DOT1L: variants seen among roughly 807,000 people sequenced by gnomAD.
DOT1L encodes histone-lysine N-methyltransferase, H3 lysine-79 specific.
A neutral mutation model predicts 153.3 loss-of-function variants in DOT1L; 33 were observed. The ratio of observed to expected loss-of-function variants is 0.22; its 90% CI spans 0.16 to 0.29. DOT1L has a LOEUF of 0.29. Among genes scored for constraint, DOT1L ranks in the 10% least tolerant of loss-of-function variants. DOT1L has a pLI of 1.00. For synonymous variants in DOT1L, 1,135 were observed against 965.1 expected, an observed-to-expected ratio of 1.18 and a Z score of -3.26; for missense variants, 1,847 against 2,119.9, an observed-to-expected ratio of 0.87 and a Z score of 2.53.
chr19:2,189,618 G>A (rs2022700584), intron 3 of DOT1L, 114 bp from the exon 4 acceptor site: 1 of 1,168,644 alleles, frequency 8.6e-7, no homozygotes, highest in South Asian at 1.3e-5. Context: ...GCTGGCTGGT[G>A]GCTGTCCAGG....
intron 2 of DOT1L, among the ~76,000 whole-genome samples, chr19:2,184,725 T>C (rs2022411185): frequency 6.6e-6 from 1 of 152,230 alleles, no homozygotes; most frequent in Admixed American, 6.5e-5. Context: ...AATGCCGTCC[T>C]GTGGGCTTTC....
Position 2,184,546 on chromosome 19 carries a change from G to T in DOT1L, c.126-1309G>T, listed in dbSNP as rs148899847. 1.9e-3 allele frequency among the ~76,000 whole-genome samples: 288 copies of T among 152,216 alleles called. 17 individuals carry two copies. In the East Asian group the frequency reaches 0.048, roughly 26 times the overall value. On this transcript the variant is annotated intron_variant, in intron 2 of 27. Transcript: ENST00000398665. ...TCAAGAGGACTGGGGAGCAGAGGCC[G>T]AACCCCCATCCCTCCCTGACCCCTC...
chr19:2,226,854 GC>G lies in DOT1L; in HGVS notation c.4337del (p.Pro1446ArgfsTer72). 2 of 1,577,700 alleles carry G rather than the reference GC, an allele frequency of 1.3e-6. No individual in the cohort carries two copies. The highest frequency in any genetic ancestry group is 8.5e-7 in the Non-Finnish European group (1 of 1,170,568). On this transcript the variant is annotated frameshift_variant, in exon 27 of 28. Transcript: ENST00000398665. LOFTEE classifies it high-confidence loss of function. ...PGSLLSGPGL[A>X]PAASSAGGAA... Reference sequence around the variant, plus strand: ...AAGCCTCCTCAGCGGCCCCGGCCTGGCCCCGGCGGCGTCCTCCGCAGGCGGC... The same window carrying G: ...AAGCCTCCTCAGCGGCCCCGGCCTGGCCCGGCGGCGTCCTCCGCAGGCGGC...
intron 22 of DOT1L, among the ~76,000 whole-genome samples, chr19:2,218,439 G>A (rs1261669537): frequency 2.0e-5 from 3 of 152,128 alleles, no homozygotes; most frequent in Admixed American, 1.3e-4. Context: ...TGTCGCCCAG[G>A]CTGGAGTGCA....
intron 2 of DOT1L, among the ~76,000 whole-genome samples, chr19:2,183,529 A>G (rs1022110626): frequency 1.3e-5 from 2 of 152,060 alleles, no homozygotes; most frequent in African/African-American, 2.4e-5. Flanking sequence ...TTCTCCAGAA[A>G]AGCTAGCTGG....
chr19:2,179,609 A>G (rs1157523980), intron 1 of DOT1L, among the ~76,000 whole-genome samples: 1 of 152,132 alleles, frequency 6.6e-6, no homozygotes, highest in Non-Finnish European at 1.5e-5. Context: ...GGATTTCGAG[A>G]CCAGCCTGAT....
chr19:2,182,317 TG>T (rs1257001620), intron 2 of DOT1L, among the ~76,000 whole-genome samples: 1 of 151,950 alleles, frequency 6.6e-6, no homozygotes, highest in Non-Finnish European at 1.5e-5. Flanking sequence ...CTGGGAGGGT[TG>T]ATCACTTGAA....
chr19:2,184,644 G>A (rs113548155), intron 2 of DOT1L, among the ~76,000 whole-genome samples: 179 of 152,220 alleles, frequency 1.2e-3, no homozygotes, highest in African/African-American at 4.1e-3. Context: ...GACTGGTCCC[G>A]TGCCCTTTCC....
chr19:2,172,869 G>GT (rs1301462994), intron 1 of DOT1L, among the ~76,000 whole-genome samples: 2 of 151,406 alleles, frequency 1.3e-5, no homozygotes. Flanking sequence ...AAGTTCACCT[G>GT]TTTTAGGCTG....
chr19:2,201,674 G>A (rs1346299655), intron 8 of DOT1L, among the ~76,000 whole-genome samples: 1 of 152,220 alleles, frequency 6.6e-6, no homozygotes, highest in Non-Finnish European at 1.5e-5. Flanking sequence ...GGAGCGCAGG[G>A]GGACCCGCAG....
chr19:2,230,685 A>G lies in DOT1L; in HGVS notation c.*893A>G, dbSNP rs1323824498. On this transcript the variant is annotated 3_prime_UTR_variant, in exon 28 of 28. Coordinates refer to ENST00000398665, the MANE Select transcript of DOT1L (RefSeq NM_032482.3). ...TGTGATGAGAATTTATAAATTTCAT[A>G]GATTTGACAGCTTTTATTTTTAGAT... 3 of 398,014 alleles carry G rather than the reference A, an allele frequency of 7.5e-6. No individual in the cohort carries two copies. Among genetic ancestry groups the G allele is most frequent in the Non-Finnish European group, 1.3e-5 (3 of 226,068 alleles). 24.7% of individuals were successfully genotyped at this position (398,014 alleles called of 1,614,324 possible).
At chr19:2,165,344 C>T (rs1201685844) in intron 1 of DOT1L, among the ~76,000 whole-genome samples, 1 of 152,142 alleles carries the variant, frequency 6.6e-6, no homozygotes, top group Non-Finnish European at 1.5e-5. Context: ...GGTCAGGACG[C>T]GGAGAGCGCT....
rs1568328678 is a variant in DOT1L at position 2,175,006 on chromosome 19, T to TA, written c.82-5707_82-5706insA. Among the ~76,000 whole-genome samples, 36 of 92,274 alleles carry TA rather than the reference T, an allele frequency of 3.9e-4. No homozygotes were observed. The East Asian group carries it at 6.5e-3, about 17-fold the overall frequency. 60.5% of individuals were successfully genotyped at this position (92,274 alleles called of 152,430 possible). A position where few individuals can be genotyped will look rare whatever the true frequency, so the allele number is the denominator to read the frequency against. On this transcript the variant is annotated intron_variant, in intron 1 of 27. Transcript: ENST00000398665. ...TGTGTGTGTGTGTGTATATATATAT[T>TA]TTTTTTTTTTTAGATGGAGTCTTGC... is the stretch of plus-strand genomic sequence containing the variant.
chr19:2,209,261 G>T (rs542497592), intron 12 of DOT1L, among the ~76,000 whole-genome samples: 5 of 150,596 alleles, frequency 3.3e-5, no homozygotes, highest in African/African-American at 1.2e-4. Context: ...CTCCCTCTCC[G>T]TTTCTCTCTC....
At chr19:2,187,798 T>C (rs2144726939) in intron 3 of DOT1L, among the ~76,000 whole-genome samples, 1 of 152,072 alleles carries the variant, frequency 6.6e-6, no homozygotes, top group South Asian at 2.1e-4. Flanking sequence ...GGCGGGTGCC[T>C]GTAGTCCCAG....
chr19:2,219,833 C>A (rs1383128107), intron 22 of DOT1L, among the ~76,000 whole-genome samples: 1 of 152,186 alleles, frequency 6.6e-6, no homozygotes, highest in Non-Finnish European at 1.5e-5. Flanking sequence ...GCCCAGTACC[C>A]CCTCCCCACA....
At chr19:2,194,910 C>G (rs1223451954) in intron 7 of DOT1L, among the ~76,000 whole-genome samples, 7 of 152,170 alleles carry the variant, frequency 4.6e-5, no homozygotes, top group Non-Finnish European at 1.0e-4. Flanking sequence ...CTGCGGCATC[C>G]TTGGGGTGTC....
At chr19:2,180,794 C>T (rs1186482479) in intron 2 of DOT1L, 38 bp downstream of exon 2, 3 of 1,612,166 alleles carry the variant, frequency 1.9e-6, no homozygotes, top group Non-Finnish European at 2.5e-6. Context: ...CTTCACAGCC[C>T]TGAGCCACTT....
rs747313159 is a variant in DOT1L at position 2,213,599 on chromosome 19, A to G, written c.1618A>G (p.Lys540Glu). 5 of 1,613,680 alleles carry G rather than the reference A, an allele frequency of 3.1e-6. No individual in the cohort carries two copies. The highest frequency in any genetic ancestry group is 1.3e-5 in the African/African-American group (1 of 75,046). Residue 540 changes from lysine to glutamate, a missense_variant, in exon 17 of 28, where the codon AAG (lysine) becomes GAG (glutamate). By Grantham distance (56) the Lys-to-Glu change is moderately conservative. This residue lies in a region of DOT1L where 156 missense variants were observed against 235.7 expected (regional missense o/e 0.66). Coordinates refer to ENST00000398665, the MANE Select transcript of DOT1L (RefSeq NM_032482.3). The part of the protein sequence containing the change: ...QQLLSHCQAQ[K>E]EEIRRLFQQK... ...GCTCCTCAGCCACTGCCAGGCCCAGAAGGAGGAGATCAGGAGGCTGTTTCA... is the reference window on the plus strand; with the variant it reads ...GCTCCTCAGCCACTGCCAGGCCCAGGAGGAGGAGATCAGGAGGCTGTTTCA...
Sources: gnomAD v4.1 joint callset for allele counts (sites outside exome capture counted in the v4.1 genomes callset) on GRCh38, gnomAD v4.1.1 for gene constraint, gnomAD v4.1.1 regional missense constraint, MANE v1.5 for transcripts, NCBI Gene and HGNC (gene_info 2026-07-23, HGNC 2026-07-21) for gene names.